ENAH: variants seen among roughly 807,000 people sequenced by gnomAD.
ENAH encodes ENAH actin regulator, also known as protein enabled homolog.
Under a neutral mutation model 78.7 loss-of-function variants are expected in ENAH, and 23 were observed. That is an observed-to-expected ratio of 0.29 (90% CI 0.21 to 0.41). ENAH has a LOEUF of 0.41. Ranked by LOEUF, ENAH falls within the 10% of genes least tolerant of loss-of-function variation. ENAH has a pLI of 1.00. For synonymous variants in ENAH, 226 were observed against 241.0 expected, an observed-to-expected ratio of 0.94 and a Z score of 0.58; for missense variants, 544 against 691.0, an observed-to-expected ratio of 0.79 and a Z score of 2.39.
chr1:225,616,331 TAAAA>T (rs79946774), intron 1 of ENAH, among the ~76,000 whole-genome samples: 3 of 126,722 alleles, frequency 2.4e-5, no homozygotes, highest in Non-Finnish European at 5.1e-5. Context: ...AATAAATACT[TAAAA>T]AAAAAAAAAA....
intron 1 of ENAH, among the ~76,000 whole-genome samples, chr1:225,601,129 T>A (rs1311276535): frequency 6.6e-6 from 1 of 151,824 alleles, no homozygotes; most frequent in Non-Finnish European, 1.5e-5. Context: ...CAGAGAAAAA[T>A]CAACAATTAC....
chr1:225,556,083 G>C (rs530327397), intron 2 of ENAH, among the ~76,000 whole-genome samples: 2 of 152,220 alleles, frequency 1.3e-5, no homozygotes, highest in South Asian at 2.1e-4. Context: ...GTAGTCGTTT[G>C]TATAAATCAT....
rs138892801 is a variant in ENAH, at chr1:225,580,490, C to T, written c.6-13076G>A. Among the ~76,000 whole-genome samples, 134 of 152,206 alleles carry T rather than the reference C, an allele frequency of 8.8e-4. 1 individual carries two copies. The highest frequency in any genetic ancestry group is 3.2e-3 in the African/African-American group (134 of 41,540). ...GCTAGAGGAACCACCTAAGCCAAACCCAGAATCCTGACCCTCAGAAACTGT... is the reference window on the plus strand; with the variant it reads ...GCTAGAGGAACCACCTAAGCCAAACTCAGAATCCTGACCCTCAGAAACTGT... On this transcript the variant is annotated intron_variant, in intron 1 of 13. Transcript: ENST00000366843.
intron 1 of ENAH, among the ~76,000 whole-genome samples, chr1:225,594,660 A>G (rs2096893827): frequency 6.6e-6 from 1 of 152,234 alleles, no homozygotes; most frequent in African/African-American, 2.4e-5. Context: ...AGCATATTCA[A>G]GCATCTGCTG....
At chr1:225,533,890 A>G (rs2096549771) in intron 3 of ENAH, among the ~76,000 whole-genome samples, 1 of 152,148 alleles carries the variant, frequency 6.6e-6, no homozygotes, top group African/African-American at 2.4e-5. Flanking sequence ...GTGTTATTAT[A>G]TACACAATAC....
chr1:225,513,719 C>T (rs567652112), intron 7 of ENAH, among the ~76,000 whole-genome samples: 1 of 152,090 alleles, frequency 6.6e-6, no homozygotes, highest in African/African-American at 2.4e-5. Flanking sequence ...AGGCCGGGTG[C>T]GATGGCTCAC....
chr1:225,613,535 ATTTTT>A (rs1036697423), intron 1 of ENAH, among the ~76,000 whole-genome samples: 4 of 152,170 alleles, frequency 2.6e-5, no homozygotes, highest in Admixed American at 2.6e-4. Context: ...CACATATTTT[ATTTTT>A]AACACTATTT....
At position 225,491,727 on chromosome 1, in the gene ENAH, GAC is replaced by G. The variant is rs1179096571; in HGVS notation, c.*6046_*6047del. On this transcript the variant is annotated 3_prime_UTR_variant, in exon 14 of 14. Transcript: ENST00000366843. ...CTCAATCTAAACACTAGCCAATGTA[GAC>G]TTTTTCTTCTGAGTGCTTTTTCCTA... is the stretch of plus-strand genomic sequence containing the variant. The G allele has an allele frequency of 6.6e-6, 1 of 152,110 alleles. No homozygotes were observed. The highest frequency in any genetic ancestry group is 1.9e-4 in the East Asian group (1 of 5,190). The allele number at this position is 152,110 out of a possible 1,614,324, so 9.4% of individuals were successfully genotyped here. A position where few individuals can be genotyped will look rare whatever the true frequency, so the allele number is the denominator to read the frequency against.
rs1001811503 is a variant in ENAH, at chr1:225,587,806, A to C, written c.6-20392T>G. Among the ~76,000 whole-genome samples, 49 of 152,234 alleles carry C rather than the reference A, an allele frequency of 3.2e-4. 1 individual carries two copies. The highest frequency in any genetic ancestry group is 1.0e-4 in the Non-Finnish European group (7 of 68,034). ...GTAGTGGCCTCAAAAATAGACAAAT[A>C]TATCAATGAAACAGGACAGAGTCCA... On this transcript the variant is annotated intron_variant, in intron 1 of 13. Coordinates refer to ENST00000366843, the MANE Select transcript of ENAH (RefSeq NM_018212.6).
At position 225,638,988 on chromosome 1, in the gene ENAH, T is replaced by G. The variant is rs572667421; in HGVS notation, c.5+13698A>C. Among the ~76,000 whole-genome samples the G allele has an allele frequency of 4.6e-5, 7 of 152,352 alleles. No individual in the cohort carries two copies. In the South Asian group the frequency reaches 6.2e-4, roughly 14 times the overall value. On this transcript the variant is annotated intron_variant, in intron 1 of 13. Transcript: ENST00000366843. ...ATTAAACATCCCTCCCAAAGCAGCA[T>G]TAGCCTCTATGTCAGGCCATTTCAC...
chr1:225,570,958 C>T (rs906802139), intron 1 of ENAH, among the ~76,000 whole-genome samples: 3 of 151,882 alleles, frequency 2.0e-5, no homozygotes, highest in East Asian at 3.9e-4. Flanking sequence ...AGCGAAACTC[C>T]GTCTCAAAAA....
At chr1:225,626,055 C>A (rs1438941965) in intron 1 of ENAH, among the ~76,000 whole-genome samples, 1 of 152,106 alleles carries the variant, frequency 6.6e-6, no homozygotes, top group Non-Finnish European at 1.5e-5. Context: ...TCCTTTGACT[C>A]TCCATTTATG....
rs1406664545 is a variant in ENAH, at chr1:225,517,225, G to A, written c.884C>T (p.Ser295Phe). 3.9e-6 allele frequency: 6 copies of A among 1,547,346 alleles called. No individual in the cohort carries two copies. The East Asian group carries it at 1.2e-4, about 31-fold the overall frequency. The change falls in exon 6 of 14, where the codon TCT becomes TTT. Residue 295 changes from serine (S) to phenylalanine (F), a missense_variant. By Grantham distance (155) the Ser-to-Phe change is radical. Around this residue, in one of 4 missense-constraint regions of ENAH, gnomAD observed 366 missense variants for 396.1 expected, o/e 0.92. Coordinates refer to ENST00000366843, the MANE Select transcript of ENAH (RefSeq NM_018212.6). ...SASEPGLQAA[S>F]QPAETPSQQG... ...TTGGGATGGAGTCTCGGCCGGCTGAGAGGCTGCCTGCAAGCCTGGCTCAGA... is the reference window on the plus strand; with the variant it reads ...TTGGGATGGAGTCTCGGCCGGCTGAAAGGCTGCCTGCAAGCCTGGCTCAGA...
chr1:225,569,023 A>T (rs1452413293), intron 1 of ENAH, among the ~76,000 whole-genome samples: 1 of 152,234 alleles, frequency 6.6e-6, no homozygotes, highest in African/African-American at 2.4e-5. Context: ...AACTTGAATT[A>T]GTTTTAAAAG....
chr1:225,543,018 TAA>T (rs74643486), intron 3 of ENAH, among the ~76,000 whole-genome samples: 10 of 134,402 alleles, frequency 7.4e-5, no homozygotes, highest in Non-Finnish European at 9.7e-5. Context: ...GACTCTCTCT[TAA>T]AAAAAAAAAA....
At position 225,498,521 on chromosome 1, in the gene ENAH, G is replaced by C; in HGVS notation, c.1618-117C>G. The stretch of plus-strand genomic sequence containing the variant: ...TGATGTGTAGTTTTTTTTGTTTCCA[G>C]AGCCACAATTCTATTTCTTGGAAGA... On this transcript the variant is annotated intron_variant, in intron 12 of 13. Transcript: ENST00000366843. 4.8e-6 allele frequency: 3 copies of C among 630,526 alleles called. No individual in the cohort carries two copies. In the South Asian group the frequency reaches 6.6e-5, roughly 14 times the overall value. The allele number at this position is 630,526 out of a possible 1,614,324, so 39.1% of individuals were successfully genotyped here.
At position 225,490,604 on chromosome 1, in the gene ENAH, G is replaced by A. The variant is rs950542859; in HGVS notation, c.*7171C>T. 6.6e-6 allele frequency: 1 copy of A among 152,056 alleles called. No individual in the cohort carries two copies. Among genetic ancestry groups the A allele is most frequent in the African/African-American group, 2.4e-5 (1 of 41,380 alleles). 9.4% of individuals were successfully genotyped at this position (152,056 alleles called of 1,614,324 possible). A position where few individuals can be genotyped will look rare whatever the true frequency, so the allele number is the denominator to read the frequency against. On this transcript the variant is annotated 3_prime_UTR_variant, in exon 14 of 14. Coordinates refer to ENST00000366843, the MANE Select transcript of ENAH (RefSeq NM_018212.6). The stretch of plus-strand genomic sequence containing the variant: ...TTTTTTTGCAATTGAAACTTAAAAT[G>A]ATCAAGCCCAAAGTACCTCTGGGAA...
chr1:225,644,021 G>A (rs777608469), intron 1 of ENAH, among the ~76,000 whole-genome samples: 12 of 151,760 alleles, frequency 7.9e-5, no homozygotes, highest in Non-Finnish European at 1.8e-4. Flanking sequence ...TACAAATATA[G>A]TATAATTCCA....
intron 1 of ENAH, among the ~76,000 whole-genome samples, chr1:225,614,061 A>ATT (rs71574533): frequency 6.2e-5 from 9 of 144,480 alleles, no homozygotes; most frequent in South Asian, 4.4e-4. Context: ...TATTAGAAAG[A>ATT]TTTTTTTTTT....
Sources: allele counts gnomAD v4.1 joint callset (sites outside exome capture counted in the v4.1 genomes callset), GRCh38; gene constraint gnomAD v4.1.1; regional missense constraint gnomAD v4.1.1; transcripts MANE v1.5; gene names NCBI Gene and HGNC (gene_info 2026-07-23, HGNC 2026-07-21).